FAM117B: variants seen among roughly 807,000 people sequenced by gnomAD.
FAM117B encodes the protein protein FAM117B.
A neutral mutation model predicts 52.8 loss-of-function variants in FAM117B; 22 were observed. That is an observed-to-expected ratio of 0.42 (90% CI 0.30 to 0.59). FAM117B has a LOEUF of 0.59. Ranked by LOEUF, FAM117B falls within the 20% of genes least tolerant of loss-of-function variation. The pLI, the probability that FAM117B is intolerant of heterozygous loss-of-function variation, is 0.22. For missense variants in FAM117B, 678 were observed against 802.6 expected (o/e 0.84, Z 1.88); for synonymous variants, 309 against 324.1 (o/e 0.95, Z 0.50).
intron 1 of FAM117B, 102 bp from the exon 2 acceptor site, chr2:202,695,779 A>T: frequency 7.9e-7 from 1 of 1,266,306 alleles, no homozygotes; most frequent in Non-Finnish European, 1.1e-6. Flanking sequence ...AAAGGGGATT[A>T]CCATAGTTAA....
intron 2 of FAM117B, among the ~76,000 whole-genome samples, chr2:202,724,651 C>T (rs528456494): frequency 1.3e-5 from 2 of 152,034 alleles, no homozygotes; most frequent in East Asian, 3.9e-4. Context: ...TAACTTTGTT[C>T]CATAAATGCT....
intron 2 of FAM117B, 46 bp downstream of exon 2, chr2:202,696,078 T>C: frequency 1.3e-6 from 2 of 1,580,256 alleles, no homozygotes; most frequent in Non-Finnish European, 8.6e-7. Flanking sequence ...TCTCTGAAGC[T>C]ACTTCTTCTA....
At position 202,635,028 on chromosome 2, in the gene FAM117B, C is replaced by A. The variant is rs982106180; in HGVS notation, c.-160C>A. Among the ~76,000 whole-genome samples the A allele has an allele frequency of 1.4e-5, 2 of 147,090 alleles. No homozygotes were observed. Among genetic ancestry groups the A allele is most frequent in the African/African-American group, 5.0e-5 (2 of 39,712 alleles). On this transcript the variant is annotated 5_prime_UTR_variant, in exon 1 of 8. The change creates a premature stop within an existing upstream ORF in the 5' untranslated region. Transcript: ENST00000392238. ...GGCGGCGGCGGCGGCTGCACCACCT[C>A]GTTGCTGCCTGCCCCGGCCCGGTCT...
rs565874014 is a variant in FAM117B, at chr2:202,733,835, C to T, written c.960+7472C>T. Among the ~76,000 whole-genome samples, 425 of 152,268 alleles carry T rather than the reference C, an allele frequency of 2.8e-3. 3 individuals carry two copies. Among genetic ancestry groups the T allele is most frequent in the African/African-American group, 9.5e-3 (395 of 41,550 alleles). On this transcript the variant is annotated intron_variant, in intron 4 of 7. Transcript: ENST00000392238. The stretch of plus-strand genomic sequence containing the variant: ...ACAATAGTGTTCCTGAGGTGATGTA[C>T]ATTCTCAGCTTACAAAGATAACAGG...
At chr2:202,640,286 CCACCACAA>C (rs1287994914) in intron 1 of FAM117B, among the ~76,000 whole-genome samples, 2 of 98,754 alleles carry the variant, frequency 2.0e-5, no homozygotes, top group African/African-American at 4.0e-5. Flanking sequence ...ACCACCACCA[CCACCACAA>C]AATATATATA....
chr2:202,669,516 C>A (rs1690258445), intron 1 of FAM117B, among the ~76,000 whole-genome samples: 1 of 151,980 alleles, frequency 6.6e-6, no homozygotes, highest in Admixed American at 6.6e-5. Flanking sequence ...TGTTCTTCCT[C>A]CTCAAATTTT....
rs1194029314 is a variant in FAM117B, at chr2:202,755,746, G to A, written c.1104+65G>A. The A allele has an allele frequency of 3.4e-6, 5 of 1,474,064 alleles. No individual in the cohort carries two copies. In the Admixed American group the frequency reaches 6.2e-5, roughly 18 times the overall value. 91.3% of individuals were successfully genotyped at this position (1,474,064 alleles called of 1,614,324 possible). A position where few individuals can be genotyped will look rare whatever the true frequency, so the allele number is the denominator to read the frequency against. ...ATAATTATTAAAAATGCACAGTTTG[G>A]GTTTCCATATTTACTTGGGTTTCTT... is the stretch of plus-strand genomic sequence containing the variant. On this transcript the variant is annotated intron_variant, in intron 5 of 7. Coordinates refer to ENST00000392238, the MANE Select transcript of FAM117B (RefSeq NM_173511.4).
chr2:202,696,489 C>T (rs1690713981), intron 2 of FAM117B, among the ~76,000 whole-genome samples: 1 of 152,144 alleles, frequency 6.6e-6, no homozygotes, highest in Admixed American at 6.5e-5. Context: ...TCAAAACCAT[C>T]CTGGTCCTCA....
At chr2:202,715,100 A>T (rs1009682061) in intron 2 of FAM117B, among the ~76,000 whole-genome samples, 1 of 151,982 alleles carries the variant, frequency 6.6e-6, no homozygotes, top group Admixed American at 6.6e-5. Context: ...CACTTCCCAG[A>T]AGGGGCAGCC....
At chr2:202,638,197 A>G (rs1689716500) in intron 1 of FAM117B, among the ~76,000 whole-genome samples, 1 of 152,206 alleles carries the variant, frequency 6.6e-6, no homozygotes, top group African/African-American at 2.4e-5. Flanking sequence ...TAACTCTTAC[A>G]GATATGAACA....
chr2:202,651,072 T>G (rs971506191), intron 1 of FAM117B, among the ~76,000 whole-genome samples: 1 of 150,990 alleles, frequency 6.6e-6, no homozygotes, highest in Non-Finnish European at 1.5e-5. Flanking sequence ...TTTTTTTTTT[T>G]TTTTTTTTAA....
intron 1 of FAM117B, among the ~76,000 whole-genome samples, chr2:202,644,287 G>A (rs1478977239): frequency 6.6e-6 from 1 of 151,858 alleles, no homozygotes; most frequent in African/African-American, 2.4e-5. Flanking sequence ...ATAACTTTTT[G>A]TGGTCTTTGA....
chr2:202,673,552 A>G (rs1168114892), intron 1 of FAM117B, among the ~76,000 whole-genome samples: 1 of 137,186 alleles, frequency 7.3e-6, no homozygotes, highest in Non-Finnish European at 1.5e-5. Context: ...GGTTCAAGCG[A>G]TTCTCCTGCC....
At chr2:202,701,082 C>T (rs970139684) in intron 2 of FAM117B, among the ~76,000 whole-genome samples, 1 of 152,178 alleles carries the variant, frequency 6.6e-6, no homozygotes, top group South Asian at 2.1e-4. Flanking sequence ...CAATGCCTGA[C>T]TTTAAGGAAC....
chr2:202,754,431 A>G (rs913401092), intron 4 of FAM117B, among the ~76,000 whole-genome samples: 1 of 152,134 alleles, frequency 6.6e-6, no homozygotes. Context: ...GCAAACCACT[A>G]TGGCACACGT....
At chr2:202,655,407 C>A (rs1428680038) in intron 1 of FAM117B, among the ~76,000 whole-genome samples, 1 of 152,000 alleles carries the variant, frequency 6.6e-6, no homozygotes, top group African/African-American at 2.4e-5. Context: ...GTTTCTGGGT[C>A]ATACAGTAAG....
At chr2:202,701,740 A>ATAACTAGAGC (rs1690797976) in intron 2 of FAM117B, among the ~76,000 whole-genome samples, 1 of 152,222 alleles carries the variant, frequency 6.6e-6, no homozygotes. Flanking sequence ...AAATAGCAAG[A>ATAACTAGAGC]TAACTAGAAT....
intron 4 of FAM117B, among the ~76,000 whole-genome samples, chr2:202,729,836 A>G (rs7566220): frequency 0.23 from 34,300 of 152,076 alleles, 4,601 homozygotes; most frequent in Middle Eastern, 0.31. Flanking sequence ...CTCCATGTTC[A>G]CTTATTAAGA....
At chr2:202,687,302 G>A (rs900806600) in intron 1 of FAM117B, among the ~76,000 whole-genome samples, 2 of 152,190 alleles carry the variant, frequency 1.3e-5, no homozygotes, top group African/African-American at 4.8e-5. Flanking sequence ...TGGAGAGATT[G>A]ACTTCAAAGG....
Sources: gnomAD v4.1 joint callset for allele counts (sites outside exome capture counted in the v4.1 genomes callset) on GRCh38, gnomAD v4.1.1 for gene constraint, MANE v1.5 for transcripts, NCBI Gene and HGNC (gene_info 2026-07-23, HGNC 2026-07-21) for gene names.